Variants in BZW1 observed in about 807,000 individuals in gnomAD.
BZW1 encodes basic leucine zipper and W2 domains 1, also known as eIF5-mimic protein 2.
In BZW1, 3 loss-of-function variants were observed where a neutral mutation model predicts 54.1. The ratio of observed to expected loss-of-function variants is 0.06; its 90% CI spans 0.03 to 0.14. The LOEUF (loss-of-function observed/expected upper bound fraction) is 0.14. Among genes scored for constraint, BZW1 ranks in the 10% least tolerant of loss-of-function variants. The pLI is 1.00. For synonymous variants in BZW1, 152 were observed against 162.7 expected (o/e 0.93, Z 0.50); for missense variants, 206 against 491.7 (o/e 0.42, Z 5.50).
intron 1 of BZW1, chr2:200,812,252 T>TC (rs897058772): frequency 2.4e-5 from 29 of 1,229,548 alleles, no homozygotes; most frequent in Non-Finnish European, 2.8e-5. Flanking sequence ...CGAGGCGGGC[T>TC]CCCTCTGGGC....
chr2:200,817,575 A>AGGGG (rs2038339768), intron 6 of BZW1, among the ~76,000 whole-genome samples: 1 of 152,182 alleles, frequency 6.6e-6, no homozygotes, highest in Non-Finnish European at 1.5e-5. Context: ...GTCAAGCTGG[A>AGGGG]AGGGAAAATC....
chr2:200,819,797 A>G (rs1044407065), intron 9 of BZW1, among the ~76,000 whole-genome samples, 185 bp from the exon 10 acceptor site: 7 of 152,084 alleles, frequency 4.6e-5, no homozygotes, highest in African/African-American at 1.4e-4. Context: ...CGGCCTCCCA[A>G]AGTGCTGGGA....
chr2:200,824,459 T>A lies in BZW1; in HGVS notation c.*2281T>A, dbSNP rs1245284024. 6.6e-6 allele frequency: 1 copy of A among 152,026 alleles called. No homozygotes were observed. Among genetic ancestry groups the A allele is most frequent in the Non-Finnish European group, 1.5e-5 (1 of 67,996 alleles). The allele number at this position is 152,026 out of a possible 1,614,324, so 9.4% of individuals were successfully genotyped here. ...AGAGCTGGTTGTAAGTTTCTTAGCC[T>A]TACTCTGTGAGTTATAGATGTTATT... On this transcript the variant is annotated 3_prime_UTR_variant, in exon 12 of 12. Coordinates refer to ENST00000409600, the MANE Select transcript of BZW1 (RefSeq NM_001207067.2).
intron 2 of BZW1, 140 bp downstream of exon 2, chr2:200,813,421 A>G: frequency 4.4e-6 from 3 of 688,708 alleles, no homozygotes; most frequent in Non-Finnish European, 7.2e-6. Context: ...GTTGACTGCC[A>G]TTTCACATAC....
Position 200,815,284 on chromosome 2 carries a change from T to G in BZW1, c.65-57T>G, listed in dbSNP as rs1011182826. 2.0e-6 allele frequency: 3 copies of G among 1,493,412 alleles called. No individual in the cohort carries two copies. The African/African-American group carries it at 4.2e-5, about 21-fold the overall frequency. 92.5% of individuals were successfully genotyped at this position (1,493,412 alleles called of 1,614,324 possible). ...TTGCATCTTCATAAGGTGATAGTTT[T>G]GTGGCATTTTGGTAAATCTTTTAAA... On this transcript the variant is annotated intron_variant, in intron 2 of 11. Coordinates refer to ENST00000409600, the MANE Select transcript of BZW1 (RefSeq NM_001207067.2).
In BZW1 at chr2:200,827,131, G is replaced by A. The variant is rs1270688448; in HGVS notation, c.*4953G>A. ...CATTTCCATTCTAGTTAGGAGCAAT[G>A]GCGCCCAGGACGGCACACAGAATGG... On this transcript the variant is annotated 3_prime_UTR_variant, in exon 12 of 12. Transcript: ENST00000409600. 1 of 152,136 alleles carries A rather than the reference G, an allele frequency of 6.6e-6. No homozygotes were observed. The highest frequency in any genetic ancestry group is 2.4e-5 in the African/African-American group (1 of 41,412). 9.4% of individuals were successfully genotyped at this position (152,136 alleles called of 1,614,324 possible).
rs763781920 is a variant in BZW1 at position 200,824,820 on chromosome 2, C to A, written c.*2642C>A. Reference sequence around the variant, plus strand: ...CCGAGTAGCTGGGACTACAGGCGCCCGCCACCATGCCCGACTAATTTTTTT... The same window carrying A: ...CCGAGTAGCTGGGACTACAGGCGCCAGCCACCATGCCCGACTAATTTTTTT... On this transcript the variant is annotated 3_prime_UTR_variant, in exon 12 of 12. Coordinates refer to ENST00000409600, the MANE Select transcript of BZW1 (RefSeq NM_001207067.2). 6.6e-6 allele frequency: 1 copy of A among 151,860 alleles called. No homozygotes were observed. Among genetic ancestry groups the A allele is most frequent in the Admixed American group, 6.6e-5 (1 of 15,254 alleles). 9.4% of individuals were successfully genotyped at this position (151,860 alleles called of 1,614,324 possible).
rs1047412062 is a variant in BZW1 at position 200,826,172 on chromosome 2, C to A, written c.*3994C>A. Reference sequence around the variant, plus strand: ...ACTCTTAAGTGGATTAATATCTGAACAATCTTAGACATAATTATATGAAAC... The same window carrying A: ...ACTCTTAAGTGGATTAATATCTGAAAAATCTTAGACATAATTATATGAAAC... On this transcript the variant is annotated 3_prime_UTR_variant, in exon 12 of 12. Transcript: ENST00000409600. The A allele has an allele frequency of 6.6e-6, 1 of 152,216 alleles. No homozygotes were observed. Among genetic ancestry groups the A allele is most frequent in the South Asian group, 2.1e-4 (1 of 4,826 alleles). 9.4% of individuals were successfully genotyped at this position (152,216 alleles called of 1,614,324 possible).
In BZW1 at chr2:200,824,419, A is replaced by G. The variant is rs1324310574; in HGVS notation, c.*2241A>G. On this transcript the variant is annotated 3_prime_UTR_variant, in exon 12 of 12. Transcript: ENST00000409600. The stretch of plus-strand genomic sequence containing the variant: ...AGTTTCTAAGGCTGTCTCCTTAGAA[A>G]CTAAATGAGTTTTTAGAGCTGGTTG... 2 of 152,040 alleles carry G rather than the reference A, an allele frequency of 1.3e-5. No homozygotes were observed. The highest frequency in any genetic ancestry group is 1.9e-4 in the East Asian group (1 of 5,188). 9.4% of individuals were successfully genotyped at this position (152,040 alleles called of 1,614,324 possible).
In BZW1 at chr2:200,826,013, CCTA is replaced by C. The variant is rs1224701488; in HGVS notation, c.*3839_*3841del. 1 of 152,152 alleles carries C rather than the reference CCTA, an allele frequency of 6.6e-6. No homozygotes were observed. Among genetic ancestry groups the C allele is most frequent in the Admixed American group, 6.5e-5 (1 of 15,268 alleles). The allele number at this position is 152,152 out of a possible 1,614,324, so 9.4% of individuals were successfully genotyped here. A position where few individuals can be genotyped will look rare whatever the true frequency, so the allele number is the denominator to read the frequency against. On this transcript the variant is annotated 3_prime_UTR_variant, in exon 12 of 12. Transcript: ENST00000409600. ...AATACGAAGTTTTTCTATTCCCCAGCCTACTAAGGCCTACAGGTTAAAATACCA... is the reference window on the plus strand; with the variant it reads ...AATACGAAGTTTTTCTATTCCCCAGCCTAAGGCCTACAGGTTAAAATACCA...
At chr2:200,812,608 GGGAGACACGTTACCGGGGA>G in intron 1 of BZW1, 1 of 1,361,418 alleles carries the variant, frequency 7.3e-7, no homozygotes, top group South Asian at 1.5e-5. Context: ...GGTGTGGATT[GGGAGACACGTTACCGGGGA>G]GGAGGCTAGG....
At chr2:200,819,529 A>G (rs2038427431) in intron 9 of BZW1, among the ~76,000 whole-genome samples, 1 of 151,120 alleles carries the variant, frequency 6.6e-6, no homozygotes, top group Non-Finnish European at 1.5e-5. Flanking sequence ...TTGGTATAGT[A>G]TTGTTTATTT....
intron 8 of BZW1, 90 bp downstream of exon 8, chr2:200,818,483 A>T: frequency 7.1e-7 from 1 of 1,413,002 alleles, no homozygotes; most frequent in Non-Finnish European, 9.8e-7. Flanking sequence ...CCAGGATGAG[A>T]TTGAGTTAAT....
Position 200,815,338 on chromosome 2 carries a change from C to T in BZW1, c.65-3C>T. ...AAATGTTTTGGGTCCCTTGTCCCCC[C>T]AGATGAAAAAGAGAGGTTTGACCCT... On this transcript the variant is annotated splice_polypyrimidine_tract_variant and splice_region_variant and intron_variant, in intron 2 of 11. Transcript: ENST00000409600. 2 of 1,589,442 alleles carry T rather than the reference C, an allele frequency of 1.3e-6. No individual in the cohort carries two copies. Among genetic ancestry groups the T allele is most frequent in the Admixed American group, 1.8e-5 (1 of 55,846 alleles).
Position 200,815,465 on chromosome 2 carries a change from C to T in BZW1, c.189C>T (p.Tyr63=), listed in dbSNP as rs752031772. ...ATGCTTCTGGAGCAAAACTTGATTA[C>T]CGTCGATATGCAGAAACACTCTTTG... ...FLDASGAKLD[Y]RRYAETLFDI... The change falls in exon 3 of 12, where the codon TAC becomes TAT. Residue 63 remains tyrosine (Y), a synonymous_variant. Coordinates refer to ENST00000409600, the MANE Select transcript of BZW1 (RefSeq NM_001207067.2). The T allele has an allele frequency of 3.1e-6, 5 of 1,613,884 alleles. No homozygotes were observed. The highest frequency in any genetic ancestry group is 1.7e-5 in the Admixed American group (1 of 59,992).
In BZW1 at chr2:200,825,471, T is replaced by A. The variant is rs554384569; in HGVS notation, c.*3293T>A. 2.6e-5 allele frequency: 4 copies of A among 152,352 alleles called. No homozygotes were observed. The East Asian group carries it at 7.7e-4, about 29-fold the overall frequency. 9.4% of individuals were successfully genotyped at this position (152,352 alleles called of 1,614,324 possible). A position where few individuals can be genotyped will look rare whatever the true frequency, so the allele number is the denominator to read the frequency against. On this transcript the variant is annotated 3_prime_UTR_variant, in exon 12 of 12. Coordinates refer to ENST00000409600, the MANE Select transcript of BZW1 (RefSeq NM_001207067.2). ...ATAGACCTTTGCATTGGCAGGCATGTCTTTATGTTTATACAGTGAAGTAGT... is the reference window on the plus strand; with the variant it reads ...ATAGACCTTTGCATTGGCAGGCATGACTTTATGTTTATACAGTGAAGTAGT...
intron 1 of BZW1, chr2:200,812,993 T>G (rs1173887615): frequency 2.9e-6 from 2 of 694,292 alleles, no homozygotes; most frequent in East Asian, 5.6e-5. Flanking sequence ...AGCACTAATT[T>G]GAAGGGTTTC....
chr2:200,819,952 G>T, intron 9 of BZW1, 30 bp from the exon 10 acceptor site: 1 of 1,468,066 alleles, frequency 6.8e-7, no homozygotes, highest in Non-Finnish European at 9.0e-7. Flanking sequence ...TGTAATGAAT[G>T]ACTAAATCTT....
intron 7 of BZW1, 47 bp from the exon 8 acceptor site, chr2:200,818,176 C>T: frequency 4.6e-6 from 7 of 1,516,402 alleles, no homozygotes; most frequent in Non-Finnish European, 6.2e-6. Context: ...AAGTGTTTTT[C>T]TTAATCTGAT....
Sources: allele counts gnomAD v4.1 joint callset (sites outside exome capture counted in the v4.1 genomes callset), GRCh38; gene constraint gnomAD v4.1.1; transcripts MANE v1.5; gene names NCBI Gene and HGNC (gene_info 2026-07-23, HGNC 2026-07-21).